TBC1D10A: variants seen among roughly 807,000 people sequenced by gnomAD.
TBC1D10A encodes EBP50-PDX interactor of 64 kDa.
In TBC1D10A, 24 loss-of-function variants were observed where a neutral mutation model predicts 52.9. The ratio of observed to expected loss-of-function variants is 0.45; its 90% confidence interval spans 0.33 to 0.64. The LOEUF (loss-of-function observed/expected upper bound fraction) is 0.64, where lower values mean the gene tolerates loss of function less well. TBC1D10A is among the 30% of genes least tolerant of loss of function. TBC1D10A has a pLI of 0.02. For synonymous variants in TBC1D10A, 278 were observed against 282.9 expected (o/e 0.98, Z 0.17); for missense variants, 602 against 687.9 (o/e 0.88, Z 1.40).
At chr22:30,295,891 T>C (rs772315724) in intron 3 of TBC1D10A, 48 bp from the exon 4 acceptor site, 1 of 1,548,968 alleles carries the variant, frequency 6.5e-7, no homozygotes, top group Non-Finnish European at 8.8e-7. Context: ...GGAGGTGGGC[T>C]TTGCTGACAG....
intron 1 of TBC1D10A, among the ~76,000 whole-genome samples, chr22:30,317,265 G>A (rs894759568): frequency 6.6e-6 from 1 of 151,444 alleles, no homozygotes; most frequent in Non-Finnish European, 1.5e-5. Flanking sequence ...AAAATTAGCC[G>A]GGCATGGTGG....
intron 6 of TBC1D10A, 62 bp downstream of exon 6, chr22:30,294,734 G>A: frequency 6.2e-7 from 1 of 1,608,044 alleles, no homozygotes; most frequent in Non-Finnish European, 8.5e-7. Context: ...ATGAGAGAAG[G>A]GCCTGGAGGG....
At chr22:30,292,969 A>G (rs1929984689) in intron 8 of TBC1D10A, 118 bp from the exon 9 acceptor site, 1 of 1,141,662 alleles carries the variant, frequency 8.8e-7, no homozygotes. Flanking sequence ...CTAAACACTG[A>G]CCCCAGGAAG....
intron 2 of TBC1D10A, chr22:30,299,859 C>T (rs927349317): frequency 3.6e-5 from 8 of 221,828 alleles, no homozygotes; most frequent in African/African-American, 4.7e-5. Flanking sequence ...CCTAGCGACT[C>T]GGGAGGCTAA....
intron 1 of TBC1D10A, among the ~76,000 whole-genome samples, chr22:30,322,467 G>A (rs944688805): frequency 6.6e-6 from 1 of 152,026 alleles, no homozygotes; most frequent in Non-Finnish European, 1.5e-5. Flanking sequence ...TGCGGAGTAG[G>A]CTCAAAAGAC....
intron 3 of TBC1D10A, 46 bp from the exon 4 acceptor site, chr22:30,295,889 G>C (rs921476505): frequency 6.4e-7 from 1 of 1,556,424 alleles, no homozygotes; most frequent in South Asian, 1.2e-5. Flanking sequence ...ATGGAGGTGG[G>C]CTTTGCTGAC....
In TBC1D10A at chr22:30,326,930, G is replaced by A. The variant is rs1336285078; in HGVS notation, c.-49C>T. 1.5e-6 allele frequency: 2 copies of A among 1,373,754 alleles called. No homozygotes were observed. The highest frequency in any genetic ancestry group is 3.5e-5 in the Admixed American group (1 of 28,680). The allele number at this position is 1,373,754 out of a possible 1,614,324, so 85.1% of individuals were successfully genotyped here. On this transcript the variant is annotated 5_prime_UTR_variant, in exon 1 of 9. Transcript: ENST00000215790. ...CTCCAGCGGCCACCTCAGCCGCCCT[G>A]CTGCCGCCGACGCCCCGCCCACGCG...
intron 3 of TBC1D10A, chr22:30,298,564 A>C (rs1930133855): frequency 6.6e-6 from 1 of 152,312 alleles, no homozygotes; most frequent in Non-Finnish European, 1.5e-5. Flanking sequence ...AGATATGTCA[A>C]CAAAGAGCTG....
At chr22:30,293,838 GC>G (rs754565413) in intron 7 of TBC1D10A, 33 bp from the exon 8 acceptor site, 2 of 1,601,972 alleles carry the variant, frequency 1.2e-6, no homozygotes, top group Non-Finnish European at 1.7e-6. Flanking sequence ...GTACAAGGAA[GC>G]TTTTTGGGGT....
Position 30,299,531 on chromosome 22 carries a change from C to A in TBC1D10A, c.330G>T (p.Lys110Asn). 2.5e-6 allele frequency: 4 copies of A among 1,614,118 alleles called. No individual in the cohort carries two copies. The highest frequency in any genetic ancestry group is 3.4e-6 in the Non-Finnish European group (4 of 1,179,978). ...KHKKIRLRCQ[K>N]GIPPSLRGRA... ...GGCCCCGCAGAGAAGGCGGGATGCC[C>A]TTTTGGCACCGCAGACGAATCTGAA... Residue 110 changes from lysine to asparagine, a missense_variant, in exon 3 of 9, where the codon AAG becomes AAT. Around this residue, in one of 3 missense-constraint regions of TBC1D10A, gnomAD observed 201 missense variants for 204.4 expected, o/e 0.98. Transcript: ENST00000215790.
At chr22:30,299,962 T>A (rs1310750398) in intron 2 of TBC1D10A, among the ~76,000 whole-genome samples, 1 of 149,158 alleles carries the variant, frequency 6.7e-6, no homozygotes, top group African/African-American at 2.5e-5. Flanking sequence ...CAAAACTCTG[T>A]CTCAAAAAAA....
In TBC1D10A at chr22:30,297,823, A is replaced by AC. The variant is rs1930115045; in HGVS notation, c.417+1620dup. 1 of 151,968 alleles carries AC rather than the reference A, an allele frequency of 6.6e-6. No individual in the cohort carries two copies. The highest frequency in any genetic ancestry group is 1.5e-5 in the Non-Finnish European group (1 of 68,006). 9.4% of individuals were successfully genotyped at this position (151,968 alleles called of 1,614,324 possible). The stretch of plus-strand genomic sequence containing the variant: ...TGCATGCTGCCATCACCAGACCCCC[A>AC]CTGTGCCCTGCCTCGGCACAGGACC... On this transcript the variant is annotated intron_variant, in intron 3 of 8. Transcript: ENST00000215790. The surrounding 1 kb of genome is among the most constrained non-coding windows in gnomAD (Gnocchi z 4.3).
At chr22:30,311,403 C>CA (rs906443789) in intron 1 of TBC1D10A, among the ~76,000 whole-genome samples, 4 of 152,290 alleles carry the variant, frequency 2.6e-5, no homozygotes, top group South Asian at 4.1e-4. Flanking sequence ...GGGGCCCGGC[C>CA]ACCCCTGCCT....
At chr22:30,317,056 T>C (rs907183486) in intron 1 of TBC1D10A, among the ~76,000 whole-genome samples, 5 of 151,760 alleles carry the variant, frequency 3.3e-5, no homozygotes, top group African/African-American at 7.3e-5. Flanking sequence ...CAAACACACA[T>C]ACACACACAC....
At chr22:30,308,209 C>T (rs984333666) in intron 1 of TBC1D10A, among the ~76,000 whole-genome samples, 1 of 152,110 alleles carries the variant, frequency 6.6e-6, no homozygotes, top group African/African-American at 2.4e-5. Context: ...ACTGACTCTA[C>T]AGCTCATGCT....
At chr22:30,314,810 C>CAA (rs113564669) in intron 1 of TBC1D10A, among the ~76,000 whole-genome samples, 25 of 73,808 alleles carry the variant, frequency 3.4e-4, no homozygotes, top group African/African-American at 1.0e-3. Context: ...GACCCTGACT[C>CAA]AAAAAAAAAA....
chr22:30,295,120 TGCCCCAGTGGACCAGCCA>T, intron 4 of TBC1D10A, 65 bp from the exon 5 acceptor site: 1 of 1,516,824 alleles, frequency 6.6e-7, no homozygotes, highest in African/African-American at 1.4e-5. Flanking sequence ...CCTTCACCTA[TGCCCCAGTGGACCAGCCA>T]GCCTCAGAAT....
chr22:30,300,031 G>A (rs1181813028), intron 2 of TBC1D10A, among the ~76,000 whole-genome samples: 3 of 152,000 alleles, frequency 2.0e-5, no homozygotes, highest in Non-Finnish European at 4.4e-5. Context: ...GGGAGAGGAG[G>A]TGCCTGCAAT....
chr22:30,308,303 C>CATG (rs1569162184), intron 1 of TBC1D10A, among the ~76,000 whole-genome samples: 1 of 139,828 alleles, frequency 7.2e-6, no homozygotes, highest in African/African-American at 2.8e-5. Context: ...TGCCTGCATG[C>CATG]CTGCCTGCCT....
Sources: allele counts gnomAD v4.1 joint callset (sites outside exome capture counted in the v4.1 genomes callset), GRCh38; gene constraint gnomAD v4.1.1; regional missense constraint gnomAD v4.1.1; non-coding constraint Gnocchi (gnomAD v3.1); transcripts MANE v1.5; gene names NCBI Gene and HGNC (gene_info 2026-07-23, HGNC 2026-07-21).